Variants in ROR2 observed in about 807,000 individuals in gnomAD.
ROR2 encodes ROR family WNT receptor 2.
A neutral mutation model predicts 74.9 loss-of-function variants in ROR2; 33 were observed. The ratio of observed to expected loss-of-function variants is 0.44; its 90% confidence interval spans 0.33 to 0.59. The LOEUF (loss-of-function observed/expected upper bound fraction) is 0.59, where lower values mean the gene tolerates loss of function less well. ROR2 is among the 20% of genes least tolerant of loss of function. The pLI, the probability that ROR2 is intolerant of heterozygous loss-of-function variation, is 0.02. For synonymous variants in ROR2, 586 were observed against 558.7 expected, an observed-to-expected ratio of 1.05 and a Z score of -0.69; for missense variants, 1,216 against 1,313.8, an observed-to-expected ratio of 0.93 and a Z score of 1.15.
intron 1 of ROR2, among the ~76,000 whole-genome samples, chr9:91,840,258 G>A (rs1828740998): frequency 6.6e-6 from 1 of 152,136 alleles, no homozygotes; most frequent in East Asian, 1.9e-4. Context: ...ATGCCACAAC[G>A]GCCCGGGATA....
intron 1 of ROR2, among the ~76,000 whole-genome samples, chr9:91,807,510 CAAAG>C (rs1253464564): frequency 3.9e-5 from 6 of 152,310 alleles, no homozygotes; most frequent in South Asian, 2.1e-4. Flanking sequence ...TAAACAAACT[CAAAG>C]AGAGAGCTGT....
intron 1 of ROR2, among the ~76,000 whole-genome samples, chr9:91,818,557 A>G (rs1828022593): frequency 6.6e-6 from 1 of 151,822 alleles, no homozygotes; most frequent in African/African-American, 2.4e-5. Context: ...AATGTCTGCA[A>G]TGACTGAACC....
In ROR2 at chr9:91,724,984, C is replaced by T. The variant is rs2118626430; in HGVS notation, c.1510G>A (p.Val504Met). ...TTGTCCTTCAGCGTTTTGATGGCCA[C>T]AGCCTGGGTCTGCTCCCCCGGGGCA... ...GPAPGEQTQAVAIKTLKDKAE... is the reference protein window; with the variant it reads ...GPAPGEQTQAMAIKTLKDKAE... The change falls in exon 9 of 9, where the codon GTG (valine) becomes ATG (methionine). Residue 504 changes from valine (V) to methionine (M), a missense_variant. Physicochemically the swap from Val to Met is conservative, Grantham distance 21. Transcript: ENST00000375708. The T allele has an allele frequency of 6.2e-7, 1 of 1,613,768 alleles. No homozygotes were observed. Among genetic ancestry groups the T allele is most frequent in the Non-Finnish European group, 8.5e-7 (1 of 1,180,034 alleles).
intron 1 of ROR2, among the ~76,000 whole-genome samples, 200 bp downstream of exon 1, chr9:91,949,667 G>A (rs139122017): frequency 6.6e-6 from 1 of 152,178 alleles, no homozygotes; most frequent in East Asian, 1.9e-4. Flanking sequence ...CCCAGAGCGC[G>A]GCTTATTGTA....
chr9:91,869,273 GTC>G (rs1829725892), intron 1 of ROR2, among the ~76,000 whole-genome samples: 1 of 152,086 alleles, frequency 6.6e-6, no homozygotes, highest in African/African-American at 2.4e-5. Context: ...TTCCAGGCTG[GTC>G]TCAACTCTTG....
chr9:91,733,078 C>T lies in ROR2; in HGVS notation c.937+44G>A, dbSNP rs1168576380. ...CCATACACATTTCAAGGGCCCTACA[C>T]TCCCTGCGCCCCCCGGTCCCGCCCC... On this transcript the variant is annotated intron_variant, in intron 6 of 8. Transcript: ENST00000375708. The surrounding 1 kb of genome is among the most constrained non-coding windows in gnomAD (Gnocchi z 5.7). 6.5e-7 allele frequency: 1 copy of T among 1,532,176 alleles called. No individual in the cohort carries two copies. Among genetic ancestry groups the T allele is most frequent in the Non-Finnish European group, 8.8e-7 (1 of 1,139,502 alleles). 94.9% of individuals were successfully genotyped at this position (1,532,176 alleles called of 1,614,324 possible). A position where few individuals can be genotyped will look rare whatever the true frequency, so the allele number is the denominator to read the frequency against.
At chr9:91,840,282 CTCTT>C (rs1414793444) in intron 1 of ROR2, among the ~76,000 whole-genome samples, 1 of 152,180 alleles carries the variant, frequency 6.6e-6, no homozygotes, top group African/African-American at 2.4e-5. Flanking sequence ...TTACCCGTTT[CTCTT>C]TCTCTTTCTA....
intron 1 of ROR2, among the ~76,000 whole-genome samples, chr9:91,846,806 C>G (rs1055414989): frequency 1.8e-4 from 27 of 152,178 alleles, no homozygotes; most frequent in African/African-American, 6.5e-4. Context: ...TGGAAAGCCA[C>G]TGGGCTGGAG....
At chr9:91,747,754 G>A (rs1000687319) in intron 4 of ROR2, among the ~76,000 whole-genome samples, 30 of 152,138 alleles carry the variant, frequency 2.0e-4, no homozygotes, top group African/African-American at 7.0e-4. Flanking sequence ...GGTGGGGCGG[G>A]GGAGGAGTCA....
chr9:91,730,745 C>G (rs1241370099), intron 7 of ROR2, among the ~76,000 whole-genome samples, 165 bp downstream of exon 7: 1 of 152,146 alleles, frequency 6.6e-6, no homozygotes, highest in Non-Finnish European at 1.5e-5. Context: ...TCAGCCACTA[C>G]GCGTGGCCCA....
intron 1 of ROR2, among the ~76,000 whole-genome samples, chr9:91,850,312 G>A (rs192216445): frequency 3.3e-5 from 5 of 152,316 alleles, no homozygotes; most frequent in African/African-American, 1.2e-4. Flanking sequence ...CACCCAAGAT[G>A]GCCACATTGT....
At chr9:91,838,938 T>C (rs1828696123) in intron 1 of ROR2, among the ~76,000 whole-genome samples, 1 of 152,088 alleles carries the variant, frequency 6.6e-6, no homozygotes, top group South Asian at 2.1e-4. Flanking sequence ...CCCGGTGGAC[T>C]CTAAGGGAGA....
intron 1 of ROR2, among the ~76,000 whole-genome samples, chr9:91,787,133 T>C (rs4398991): frequency 0.058 from 8,868 of 152,210 alleles, 491 homozygotes; most frequent in Admixed American, 0.16. Context: ...GCAAGGCATG[T>C]ATGGAAAGGA....
intron 1 of ROR2, among the ~76,000 whole-genome samples, chr9:91,833,429 C>T (rs1264580976): frequency 6.6e-6 from 1 of 152,172 alleles, no homozygotes; most frequent in Non-Finnish European, 1.5e-5. Flanking sequence ...CAGCAAATGG[C>T]GGCCATGTCC....
rs536970458 is a variant in ROR2, at chr9:91,840,384, C to G, written c.98-64566G>C. Among the ~76,000 whole-genome samples, 4 of 152,322 alleles carry G rather than the reference C, an allele frequency of 2.6e-5. No individual in the cohort carries two copies. In the South Asian group the frequency reaches 6.2e-4, roughly 24 times the overall value. ...TCCAGTGACAGACCCCAGACAAGAACAAACACTTCCAAAGGCACCCTCCAG... is the reference window on the plus strand; with the variant it reads ...TCCAGTGACAGACCCCAGACAAGAAGAAACACTTCCAAAGGCACCCTCCAG... On this transcript the variant is annotated intron_variant, in intron 1 of 8. Transcript: ENST00000375708.
At chr9:91,760,644 A>G (rs1006326499) in intron 2 of ROR2, among the ~76,000 whole-genome samples, 2 of 151,956 alleles carry the variant, frequency 1.3e-5, no homozygotes, top group Admixed American at 6.6e-5. Flanking sequence ...AAAAAAAAAA[A>G]AAAAGAAAAG....
At chr9:91,757,800 A>G (rs1389089882) in intron 2 of ROR2, among the ~76,000 whole-genome samples, 1 of 152,186 alleles carries the variant, frequency 6.6e-6, no homozygotes, top group East Asian at 1.9e-4. Flanking sequence ...TCTCGTCATA[A>G]TACTTTCACC....
At chr9:91,799,937 A>C (rs1186004220) in intron 1 of ROR2, among the ~76,000 whole-genome samples, 1 of 152,230 alleles carries the variant, frequency 6.6e-6, no homozygotes, top group Non-Finnish European at 1.5e-5. Flanking sequence ...GCAAGGCCAC[A>C]GCTGAGGAGT....
chr9:91,743,006 G>A (rs550996119), intron 4 of ROR2, among the ~76,000 whole-genome samples: 2 of 152,258 alleles, frequency 1.3e-5, no homozygotes, highest in East Asian at 3.9e-4. Flanking sequence ...AGGAGCAACA[G>A]GCTGTACCAT....
Sources: gnomAD v4.1 joint callset for allele counts (sites outside exome capture counted in the v4.1 genomes callset) on GRCh38, gnomAD v4.1.1 for gene constraint, Gnocchi (gnomAD v3.1) non-coding constraint, MANE v1.5 for transcripts, NCBI Gene and HGNC (gene_info 2026-07-23, HGNC 2026-07-21) for gene names.